SCN7A: variants seen among roughly 807,000 people sequenced by gnomAD.
SCN7A encodes the protein sodium voltage-gated channel alpha subunit 7.
SCN7A carries 138 observed loss-of-function variants against 155.2 expected under a neutral mutation model. The observed-to-expected ratio is 0.89, with a 90% CI of 0.77 to 1.02. The LOEUF (loss-of-function observed/expected upper bound fraction) is 1.02, where lower values mean the gene tolerates loss of function less well. SCN7A is among the 50% of genes least tolerant of loss of function. The pLI, the probability that SCN7A is intolerant of heterozygous loss-of-function variation, is 0.00. For missense variants in SCN7A, 2,058 were observed against 1,986.6 expected, an observed-to-expected ratio of 1.04 and a Z score of -0.68; for synonymous variants, 693 against 649.0, an observed-to-expected ratio of 1.07 and a Z score of -1.03.
At chr2:166,461,374 G>A (rs1702406046) in intron 10 of SCN7A, among the ~76,000 whole-genome samples, 1 of 152,012 alleles carries the variant, frequency 6.6e-6, no homozygotes, top group African/African-American at 2.4e-5. Context: ...ACTTATCTTT[G>A]AAGAAAAACT....
At chr2:166,433,180 G>C (rs1029060904) in intron 15 of SCN7A, among the ~76,000 whole-genome samples, 1 of 151,996 alleles carries the variant, frequency 6.6e-6, no homozygotes, top group African/African-American at 2.4e-5. Flanking sequence ...TGCAACTTCT[G>C]GCATAAATGG....
chr2:166,480,375 A>G (rs1486561857), intron 2 of SCN7A, among the ~76,000 whole-genome samples: 4 of 151,654 alleles, frequency 2.6e-5, no homozygotes, highest in South Asian at 2.1e-4. Flanking sequence ...GGAGAATGGC[A>G]TGAGCCCGGG....
chr2:166,429,806 AGAACAGGCCTG>A (rs1041180480), intron 16 of SCN7A, among the ~76,000 whole-genome samples: 1 of 152,038 alleles, frequency 6.6e-6, no homozygotes, highest in Non-Finnish European at 1.5e-5. Flanking sequence ...AATAGGGACA[AGAACAGGCCTG>A]GGAAAGGGGC....
chr2:166,473,712 T>G (rs938352210), intron 5 of SCN7A, 87 bp downstream of exon 5: 6 of 309,816 alleles, frequency 1.9e-5, no homozygotes, highest in African/African-American at 1.4e-4. Context: ...TAATGTATCA[T>G]AATTCAATGT....
At chr2:166,415,030 A>G (rs889220844) in intron 21 of SCN7A, among the ~76,000 whole-genome samples, 44 of 138,274 alleles carry the variant, frequency 3.2e-4, no homozygotes, top group African/African-American at 1.1e-3. Context: ...ATAGGATAAT[A>G]ATAATATATA....
intron 3 of SCN7A, among the ~76,000 whole-genome samples, chr2:166,474,873 A>G (rs867649358): frequency 6.6e-6 from 1 of 151,422 alleles, no homozygotes; most frequent in East Asian, 1.9e-4. Flanking sequence ...ATATATCTAA[A>G]CCAGAAATTT....
At chr2:166,414,293 C>CAT (rs1262942036) in intron 21 of SCN7A, among the ~76,000 whole-genome samples, 4,626 of 42,048 alleles carry the variant, frequency 0.11, 339 homozygotes, top group Non-Finnish European at 0.12. Flanking sequence ...TATACACACA[C>CAT]ATATATATAT....
At chr2:166,435,342 A>G (rs1451456510) in intron 15 of SCN7A, among the ~76,000 whole-genome samples, 1 of 152,156 alleles carries the variant, frequency 6.6e-6, no homozygotes, top group Non-Finnish European at 1.5e-5. Flanking sequence ...AGAGATTTGT[A>G]TTATATAAAC....
intron 18 of SCN7A, among the ~76,000 whole-genome samples, chr2:166,424,591 G>A (rs1217161221): frequency 1.3e-5 from 2 of 152,018 alleles, no homozygotes; most frequent in African/African-American, 4.8e-5. Flanking sequence ...CATAATAATA[G>A]AGGGATCAGT....
At chr2:166,460,126 A>G (rs1043544316) in intron 10 of SCN7A, among the ~76,000 whole-genome samples, 7 of 152,210 alleles carry the variant, frequency 4.6e-5, no homozygotes, top group African/African-American at 1.7e-4. Context: ...TTAAAGTATA[A>G]GAAACAAACA....
At chr2:166,418,184 G>T (rs563955201) in intron 20 of SCN7A, among the ~76,000 whole-genome samples, 1 of 147,396 alleles carries the variant, frequency 6.8e-6, no homozygotes, top group Non-Finnish European at 1.5e-5. Context: ...GCAATGGCCC[G>T]ATCTTGGCTC....
intron 10 of SCN7A, among the ~76,000 whole-genome samples, chr2:166,460,839 T>C (rs938613278): frequency 6.6e-6 from 1 of 152,088 alleles, no homozygotes; most frequent in African/African-American, 2.4e-5. Flanking sequence ...GGGCACTATA[T>C]ATCATGCATA....
intron 14 of SCN7A, among the ~76,000 whole-genome samples, chr2:166,443,018 C>A (rs573232204): frequency 2.3e-4 from 35 of 152,256 alleles, no homozygotes; most frequent in African/African-American, 7.7e-4. Context: ...AAACAATATT[C>A]TCATAACGTT....
Position 166,477,580 on chromosome 2 carries a change from C to CT in SCN7A, c.116dup (p.Pro40AlafsTer4). On this transcript the variant is annotated frameshift_variant, in exon 3 of 26. Coordinates refer to ENST00000643258, the MANE Select transcript of SCN7A (RefSeq NM_002976.4). LOFTEE classifies it high-confidence loss of function. The stretch of plus-strand genomic sequence containing the variant: ...TGCCAACTTCCAAATCAGGAGTTGG[C>CT]TTTAAGTCTTCTTCTTCATGGTCTT... 1 of 1,587,204 alleles carries CT rather than the reference C, an allele frequency of 6.3e-7. No individual in the cohort carries two copies. The highest frequency in any genetic ancestry group is 2.3e-5 in the East Asian group (1 of 44,226).
At chr2:166,487,521 C>T (rs1193641231) in intron 1 of SCN7A, among the ~76,000 whole-genome samples, 2 of 152,104 alleles carry the variant, frequency 1.3e-5, no homozygotes, top group East Asian at 3.9e-4. Context: ...GAGATGACTG[C>T]CCAGGCCAGT....
chr2:166,474,669 C>A (rs986095286), intron 3 of SCN7A, among the ~76,000 whole-genome samples: 1 of 151,442 alleles, frequency 6.6e-6, no homozygotes, highest in African/African-American at 2.4e-5. Flanking sequence ...CAATGGCTCA[C>A]GAAGATCCAT....
chr2:166,483,047 T>C (rs1487834741), intron 2 of SCN7A, among the ~76,000 whole-genome samples: 1 of 152,032 alleles, frequency 6.6e-6, no homozygotes, highest in Non-Finnish European at 1.5e-5. Flanking sequence ...AATAATTCTA[T>C]CAAAGTCAAT....
chr2:166,430,162 C>A (rs1382318233), intron 16 of SCN7A, among the ~76,000 whole-genome samples: 1 of 151,838 alleles, frequency 6.6e-6, no homozygotes, highest in Non-Finnish European at 1.5e-5. Context: ...AGAAAAAAAT[C>A]TAGGTAGACG....
In SCN7A at chr2:166,405,531, A is replaced by G. The variant is rs763460287; in HGVS notation, c.*49T>C. 69 of 1,355,150 alleles carry G rather than the reference A, an allele frequency of 5.1e-5. No homozygotes were observed. The highest frequency in any genetic ancestry group is 6.8e-5 in the Non-Finnish European group (68 of 994,738). The allele number at this position is 1,355,150 out of a possible 1,614,324, so 83.9% of individuals were successfully genotyped here. A position where few individuals can be genotyped will look rare whatever the true frequency, so the allele number is the denominator to read the frequency against. ...TCTTTTATTCCTGGCTTAGGCTTTC[A>G]ACATTTTTCAGATATGTGAAGAAAT... On this transcript the variant is annotated 3_prime_UTR_variant, in exon 26 of 26. Coordinates refer to ENST00000643258, the MANE Select transcript of SCN7A (RefSeq NM_002976.4).
Sources: allele counts gnomAD v4.1 joint callset (sites outside exome capture counted in the v4.1 genomes callset), GRCh38; gene constraint gnomAD v4.1.1; transcripts MANE v1.5; gene names NCBI Gene and HGNC (gene_info 2026-07-23, HGNC 2026-07-21).